The following SLC1A3 variants were observed in gnomAD, a reference collection of about 807,000 sequenced individuals.
SLC1A3 encodes the protein solute carrier family 1 member 3.
In SLC1A3, 21 loss-of-function variants were observed where a neutral mutation model predicts 48.1. That is an observed-to-expected ratio of 0.44 (90% confidence interval 0.31 to 0.63). SLC1A3 has a LOEUF of 0.63. SLC1A3 is among the 20% of genes least tolerant of loss of function. SLC1A3 has a pLI of 0.08. For synonymous variants in SLC1A3, 239 were observed against 251.4 expected (o/e 0.95, Z 0.47); for missense variants, 546 against 689.0 (o/e 0.79, Z 2.32).
chr5:36,634,033 T>C (rs185040109), intron 3 of SLC1A3, among the ~76,000 whole-genome samples: 3 of 152,294 alleles, frequency 2.0e-5, no homozygotes, highest in African/African-American at 7.2e-5. Flanking sequence ...CCCAGCACTT[T>C]GGGAGACTAA....
intron 2 of SLC1A3, among the ~76,000 whole-genome samples, chr5:36,627,158 C>T (rs1308577728): frequency 2.0e-5 from 3 of 151,654 alleles, no homozygotes; most frequent in Middle Eastern, 3.4e-3. Context: ...CCAACATATA[C>T]ACACACACAC....
intron 5 of SLC1A3, 54 bp from the exon 6 acceptor site, chr5:36,676,838 T>A: frequency 7.2e-7 from 1 of 1,393,764 alleles, no homozygotes. Flanking sequence ...TAGGAAAATA[T>A]AAAGAAAAAA....
intron 2 of SLC1A3, among the ~76,000 whole-genome samples, chr5:36,618,220 A>C (rs1739526796): frequency 6.6e-6 from 1 of 152,242 alleles, no homozygotes; most frequent in South Asian, 2.1e-4. Flanking sequence ...TGTATGTTAC[A>C]TTCAACTTTT....
At chr5:36,656,776 G>T (rs1741302348) in intron 3 of SLC1A3, among the ~76,000 whole-genome samples, 1 of 152,204 alleles carries the variant, frequency 6.6e-6, no homozygotes, top group African/African-American at 2.4e-5. Context: ...ATTCAACAAA[G>T]CTATACTGAG....
chr5:36,634,787 G>T (rs761225001), intron 3 of SLC1A3, among the ~76,000 whole-genome samples: 3 of 152,296 alleles, frequency 2.0e-5, no homozygotes, highest in Non-Finnish European at 4.4e-5. Flanking sequence ...TCAGTCAAAT[G>T]TGGGACTCAA....
chr5:36,658,473 T>A (rs898166547), intron 3 of SLC1A3, among the ~76,000 whole-genome samples: 12 of 152,158 alleles, frequency 7.9e-5, no homozygotes, highest in African/African-American at 2.9e-4. Context: ...AAATGATGCA[T>A]ATTGAGTCTA....
rs571185000 is a variant in SLC1A3 at position 36,597,396 on chromosome 5, G to A, written c.-96+718G>A. On this transcript the variant is annotated intron_variant, in intron 1 of 9. Coordinates refer to the SLC1A3 transcript ENST00000680318. ...CCAGCAGCTGGGACAGGGGCACGCC[G>A]CCACGCCCGGCTAGTTTTTGTATTT... Among the ~76,000 whole-genome samples the A allele has an allele frequency of 1.4e-3, 207 of 151,524 alleles. 1 individual carries two copies. Among genetic ancestry groups the A allele is most frequent in the Middle Eastern group, 3.4e-3 (1 of 292 alleles).
intron 3 of SLC1A3, among the ~76,000 whole-genome samples, chr5:36,632,966 A>G (rs1347178135): frequency 5.3e-5 from 8 of 152,160 alleles, no homozygotes; most frequent in Admixed American, 5.2e-4. Context: ...CCTAATGGCT[A>G]GATTTGTACT....
chr5:36,605,574 A>G (rs904971288), upstream of SLC1A3, among the ~76,000 whole-genome samples: 3 of 152,270 alleles, frequency 2.0e-5, no homozygotes, highest in Admixed American at 6.5e-5. Context: ...AATTGAGCAT[A>G]TTTTGCATGG....
chr5:36,621,873 A>G (rs917977542), intron 2 of SLC1A3, among the ~76,000 whole-genome samples: 2 of 152,186 alleles, frequency 1.3e-5, no homozygotes, highest in Admixed American at 1.3e-4. Flanking sequence ...TAACCAACAG[A>G]ATATGGCAGA....
intron 3 of SLC1A3, chr5:36,630,447 GAC>G (rs1298162364): frequency 6.6e-6 from 1 of 152,200 alleles, no homozygotes; most frequent in Non-Finnish European, 1.5e-5. Context: ...AATTTCCATA[GAC>G]ACTGCCCGAG....
chr5:36,676,767 A>G (rs1742225178), intron 5 of SLC1A3, 125 bp from the exon 6 acceptor site: 1 of 729,642 alleles, frequency 1.4e-6, no homozygotes, highest in Non-Finnish European at 2.2e-6. Flanking sequence ...GACTTTCTAT[A>G]ACACTCATCT....
intron 3 of SLC1A3, chr5:36,669,647 A>G (rs1051655095): frequency 1.3e-5 from 2 of 152,226 alleles, no homozygotes; most frequent in African/African-American, 4.8e-5. Context: ...AATGAAAATT[A>G]TAAGTGATAC....
At chr5:36,622,532 C>T (rs1739717628) in intron 2 of SLC1A3, among the ~76,000 whole-genome samples, 1 of 152,122 alleles carries the variant, frequency 6.6e-6, no homozygotes, top group Non-Finnish European at 1.5e-5. Context: ...TTTCTGGCAT[C>T]TTAATATTTT....
At chr5:36,646,844 C>T (rs1428968) in intron 3 of SLC1A3, among the ~76,000 whole-genome samples, 20,841 of 152,162 alleles carry the variant, frequency 0.14, 1,680 homozygotes, top group South Asian at 0.19. Flanking sequence ...GTTCAAAGAG[C>T]TATTTTTGAG....
intron 3 of SLC1A3, chr5:36,636,505 T>TTCTTTCTTTTTTTCTTTCTC (rs1177117898): frequency 1.0e-3 from 72 of 70,198 alleles, no homozygotes; most frequent in South Asian, 2.3e-3. Context: ...CTTTCTTTCT[T>TTCTTTCTTTTTTTCTTTCTC]TTTCTTTCTT....
In SLC1A3 at chr5:36,597,233, C is replaced by CTTTTTTTTTTTTTTTTTTTT. The variant is rs70976237; in HGVS notation, c.-96+567_-96+586dup. On this transcript the variant is annotated intron_variant, in intron 1 of 9. Coordinates refer to the SLC1A3 transcript ENST00000680318. ...CACACCGAAAACTTCTTCTTCCTTT[C>CTTTTTTTTTTTTTTTTTTTT]TTTTTTTTTTTTTTTTTTTTTTTTT... Among the ~76,000 whole-genome samples, 5 of 46,116 alleles carry CTTTTTTTTTTTTTTTTTTTT rather than the reference C, an allele frequency of 1.1e-4. 2 individuals are homozygous for CTTTTTTTTTTTTTTTTTTTT. The highest frequency in any genetic ancestry group is 1.4e-4 in the Non-Finnish European group (4 of 27,830). 30.3% of individuals were successfully genotyped at this position (46,116 alleles called of 152,430 possible). A position where few individuals can be genotyped will look rare whatever the true frequency, so the allele number is the denominator to read the frequency against.
At chr5:36,608,625 C>T (rs770367819) in intron 2 of SLC1A3, 21 bp downstream of exon 2, 1 of 1,609,192 alleles carries the variant, frequency 6.2e-7, no homozygotes, top group East Asian at 2.2e-5. Context: ...TGATTAAAAA[C>T]AAAAAAACCT....
At chr5:36,636,647 T>G (rs540657941) in intron 3 of SLC1A3, among the ~76,000 whole-genome samples, 1 of 150,804 alleles carries the variant, frequency 6.6e-6, no homozygotes, top group Admixed American at 6.6e-5. Context: ...CACCTGAGTC[T>G]TTCACCATTA....
Sources: gnomAD v4.1 joint callset for allele counts (sites outside exome capture counted in the v4.1 genomes callset) on GRCh38, gnomAD v4.1.1 for gene constraint, MANE v1.5 for transcripts, NCBI Gene and HGNC (gene_info 2026-07-23, HGNC 2026-07-21) for gene names.